JARID2: variants seen among roughly 807,000 people sequenced by gnomAD.
JARID2 encodes protein Jumonji.
In JARID2, 21 loss-of-function variants were observed where a neutral mutation model predicts 125.6. That is an observed-to-expected ratio of 0.17 (90% CI 0.12 to 0.24). The LOEUF is 0.24. Ranked by LOEUF, JARID2 falls within the 10% of genes least tolerant of loss-of-function variation. The pLI is 1.00. For synonymous variants in JARID2, 736 were observed against 661.6 expected (o/e 1.11, Z -1.73); for missense variants, 1,303 against 1,639.6 (o/e 0.79, Z 3.55).
At chr6:15,283,484 GCATGCACCAGCTA>G (rs1760862540) in intron 1 of JARID2, among the ~76,000 whole-genome samples, 1 of 145,712 alleles carries the variant, frequency 6.9e-6, no homozygotes, top group Admixed American at 6.9e-5. Context: ...GGGACTACAG[GCATGCACCAGCTA>G]CGCCCGGCTA....
At chr6:15,304,220 C>T (rs1053171979) in intron 1 of JARID2, among the ~76,000 whole-genome samples, 9 of 150,132 alleles carry the variant, frequency 6.0e-5, no homozygotes, top group Non-Finnish European at 1.2e-4. Flanking sequence ...CATCTCGCTG[C>T]GCAGCCTCAG....
chr6:15,393,829 C>T lies in JARID2; in HGVS notation c.182-16395C>T, dbSNP rs189378369. On this transcript the variant is annotated intron_variant, in intron 2 of 17. Coordinates refer to ENST00000341776, the MANE Select transcript of JARID2 (RefSeq NM_004973.4). Reference sequence around the variant, plus strand: ...AATGTTTAGTAACAGAATGAGGTTACGTTAGCAGGATATAAAAGGCACATA... The same window carrying T: ...AATGTTTAGTAACAGAATGAGGTTATGTTAGCAGGATATAAAAGGCACATA... 5.3e-5 allele frequency among the ~76,000 whole-genome samples: 8 copies of T among 152,186 alleles called. No homozygotes were observed. In the East Asian group the frequency reaches 7.7e-4, roughly 15 times the overall value.
intron 1 of JARID2, among the ~76,000 whole-genome samples, chr6:15,332,935 C>CTTTTTTTTTTT (rs33921682): frequency 1.9e-4 from 8 of 42,174 alleles, no homozygotes; most frequent in Non-Finnish European, 3.8e-4. Flanking sequence ...CTTTTCTTTT[C>CTTTTTTTTTTT]TTTTTTTTTT....
At chr6:15,422,767 C>T (rs946485261) in intron 3 of JARID2, among the ~76,000 whole-genome samples, 8 of 152,148 alleles carry the variant, frequency 5.3e-5, no homozygotes, top group Non-Finnish European at 7.4e-5. Context: ...GTGTGGGCTT[C>T]CCCGCTCCCC....
Position 15,312,319 on chromosome 6 carries a change from C to T in JARID2, c.46-61798C>T, listed in dbSNP as rs140426989. On this transcript the variant is annotated intron_variant, in intron 1 of 17. Coordinates refer to ENST00000341776, the MANE Select transcript of JARID2 (RefSeq NM_004973.4). ...CCACCCGCCTCGGCCTCCCAAAGTG[C>T]TGGGGTTACAGGCGTGAGCCACCAT... Among the ~76,000 whole-genome samples the T allele has an allele frequency of 2.7e-3, 410 of 152,332 alleles. 4 individuals are homozygous for T. The highest frequency in any genetic ancestry group is 0.017 in the South Asian group (83 of 4,824).
chr6:15,411,072 C>T (rs543692401), intron 3 of JARID2, among the ~76,000 whole-genome samples: 4 of 152,150 alleles, frequency 2.6e-5, no homozygotes, highest in Non-Finnish European at 5.9e-5. Context: ...TATGTTACTT[C>T]CTTTTTTTCC....
At chr6:15,473,916 A>C (rs1407522510) in intron 5 of JARID2, among the ~76,000 whole-genome samples, 1 of 152,164 alleles carries the variant, frequency 6.6e-6, no homozygotes, top group Non-Finnish European at 1.5e-5. Context: ...ATTTCAAATG[A>C]CCCGGGGGAA....
intron 1 of JARID2, among the ~76,000 whole-genome samples, chr6:15,307,446 C>T (rs561256931): frequency 6.6e-5 from 10 of 152,070 alleles, no homozygotes; most frequent in African/African-American, 2.2e-4. Flanking sequence ...TGGTCTCAGA[C>T]GACATCAGGT....
intron 1 of JARID2, among the ~76,000 whole-genome samples, chr6:15,341,839 G>A (rs1763080191): frequency 6.6e-6 from 1 of 152,190 alleles, no homozygotes; most frequent in African/African-American, 2.4e-5. Flanking sequence ...ATGGGAGGGT[G>A]TGTGATACTG....
chr6:15,280,030 T>TA (rs1262747939), intron 1 of JARID2, among the ~76,000 whole-genome samples: 2 of 152,230 alleles, frequency 1.3e-5, no homozygotes, highest in East Asian at 1.9e-4. Flanking sequence ...CTGGGGCACT[T>TA]ACCACCTAGA....
At chr6:15,500,575 G>C (rs1770685669) in intron 7 of JARID2, among the ~76,000 whole-genome samples, 2 of 152,134 alleles carry the variant, frequency 1.3e-5, no homozygotes. Context: ...CCAGTACATG[G>C]TACACTGGGA....
intron 6 of JARID2, among the ~76,000 whole-genome samples, chr6:15,491,324 TGCCTTGGCCTTG>T (rs750266791): frequency 4.6e-5 from 7 of 152,228 alleles, no homozygotes; most frequent in Admixed American, 2.6e-4. Context: ...AGAGCACATT[TGCCTTGGCCTTG>T]GCCTTGGCTA....
At chr6:15,392,228 G>C (rs974950430) in intron 2 of JARID2, among the ~76,000 whole-genome samples, 16 of 152,194 alleles carry the variant, frequency 1.1e-4, no homozygotes, top group Admixed American at 4.6e-4. Flanking sequence ...ATCACCCTTT[G>C]GGATATTCGT....
intron 2 of JARID2, among the ~76,000 whole-genome samples, chr6:15,387,901 G>GT (rs2127537309): frequency 6.6e-6 from 1 of 152,186 alleles, no homozygotes; most frequent in Admixed American, 6.5e-5. Flanking sequence ...AATCCTATCT[G>GT]TTTAACAGTA....
At chr6:15,262,370 G>A (rs1458828092) in intron 1 of JARID2, among the ~76,000 whole-genome samples, 1 of 151,948 alleles carries the variant, frequency 6.6e-6, no homozygotes, top group African/African-American at 2.4e-5. Flanking sequence ...TGGACTTTGT[G>A]TCTTGTGTCT....
At chr6:15,519,863 G>A (rs887075615) in intron 17 of JARID2, among the ~76,000 whole-genome samples, 2 of 152,070 alleles carry the variant, frequency 1.3e-5, no homozygotes, top group African/African-American at 4.8e-5. Flanking sequence ...GGATGAAACG[G>A]CCATGCCTGC....
chr6:15,475,504 C>G (rs1297295739), intron 5 of JARID2, among the ~76,000 whole-genome samples: 2 of 152,322 alleles, frequency 1.3e-5, no homozygotes, highest in African/African-American at 4.8e-5. Flanking sequence ...TTTTCTCTTG[C>G]ATAATCGCCT....
chr6:15,507,310 G>T, intron 10 of JARID2, 36 bp from the exon 11 acceptor site: 1 of 1,607,928 alleles, frequency 6.2e-7, no homozygotes, highest in Non-Finnish European at 8.5e-7. Flanking sequence ...TCCTTTCCCC[G>T]CCAGTTTGTA....
At chr6:15,273,315 A>G (rs2127357914) in intron 1 of JARID2, among the ~76,000 whole-genome samples, 1 of 152,336 alleles carries the variant, frequency 6.6e-6, no homozygotes, top group South Asian at 2.1e-4. Flanking sequence ...GTGCACATAT[A>G]ATCTCTTTTC....
Sources: gnomAD v4.1 joint callset for allele counts (sites outside exome capture counted in the v4.1 genomes callset) on GRCh38, gnomAD v4.1.1 for gene constraint, MANE v1.5 for transcripts, NCBI Gene and HGNC (gene_info 2026-07-23, HGNC 2026-07-21) for gene names.